The following KLF8 variants were observed in gnomAD, a reference collection of about 807,000 sequenced individuals.
The protein encoded by KLF8 is Krueppel-like factor 8.
Under a neutral mutation model 18.2 loss-of-function variants are expected in KLF8, and 10 were observed. The ratio of observed to expected loss-of-function variants is 0.55; its 90% confidence interval spans 0.34 to 0.93. KLF8 has a LOEUF of 0.93. Ranked by LOEUF, KLF8 falls within the 40% of genes least tolerant of loss-of-function variation. The pLI, the probability that KLF8 is intolerant of heterozygous loss-of-function variation, is 0.02. For missense variants in KLF8, 264 were observed against 277.9 expected, an observed-to-expected ratio of 0.95 and a Z score of 0.36; for synonymous variants, 109 against 97.3, an observed-to-expected ratio of 1.12 and a Z score of -0.71.
the KLF8 span, among the ~76,000 whole-genome samples, chrX:56,189,186 C>G: frequency 4.5e-5 from 5 of 111,523 alleles, no homozygotes; most frequent in African/African-American, 1.6e-4. Context: ...AAAAAGCAAA[C>G]AACCCCATCA....
chrX:56,013,608 T>G, the KLF8 span, among the ~76,000 whole-genome samples: 1 of 111,476 alleles, frequency 9.0e-6, no homozygotes, highest in African/African-American at 3.3e-5. Flanking sequence ...GTGGAGATAA[T>G]TGAATCATGG....
the KLF8 span, among the ~76,000 whole-genome samples, chrX:56,201,447 G>T: frequency 1.8e-5 from 2 of 111,398 alleles, no homozygotes; most frequent in Non-Finnish European, 3.8e-5. Flanking sequence ...GTTGTTAGGG[G>T]TTGGGGCGGG....
the KLF8 span, among the ~76,000 whole-genome samples, chrX:56,045,906 G>A: frequency 9.0e-6 from 1 of 111,570 alleles, no homozygotes; most frequent in South Asian, 3.8e-4. Flanking sequence ...GTGAAAGCAG[G>A]CATCGTTGTC....
the KLF8 span, among the ~76,000 whole-genome samples, chrX:56,091,741 C>A: frequency 8.9e-6 from 1 of 111,904 alleles, no homozygotes; most frequent in Middle Eastern, 4.6e-3. Context: ...ATGATCCACC[C>A]AGTTTGGCCT....
chrX:56,102,707 T>G, the KLF8 span, among the ~76,000 whole-genome samples: 3 of 111,701 alleles, frequency 2.7e-5, no homozygotes, highest in Non-Finnish European at 5.7e-5. Flanking sequence ...ATATTTCATT[T>G]ATTTTGGCTA....
intron 2 of KLF8, among the ~76,000 whole-genome samples, chrX:56,250,739 GGAGA>G (rs756356380): frequency 1.9e-5 from 2 of 108,082 alleles, no homozygotes; most frequent in Non-Finnish European, 3.9e-5. Context: ...ATATGTACAT[GGAGA>G]GAGAGAGAGA....
the KLF8 span, among the ~76,000 whole-genome samples, chrX:56,099,303 A>T: frequency 9.0e-6 from 1 of 111,544 alleles, no homozygotes; most frequent in Admixed American, 9.6e-5. Flanking sequence ...CCCATATAAG[A>T]TGGTAAACTT....
chrX:55,981,459 C>A, the KLF8 span, among the ~76,000 whole-genome samples: 2 of 111,885 alleles, frequency 1.8e-5, no homozygotes, highest in Non-Finnish European at 3.8e-5. Flanking sequence ...TTGAAAATAT[C>A]AAACAACAAA....
chrX:56,041,089 TG>T, the KLF8 span, among the ~76,000 whole-genome samples: 2 of 108,005 alleles, frequency 1.9e-5, no homozygotes, highest in African/African-American at 6.7e-5. Flanking sequence ...TTTGTATTTC[TG>T]TGAGGTCAGT....
the KLF8 span, among the ~76,000 whole-genome samples, chrX:56,157,687 T>C: frequency 1.2e-4 from 14 of 112,033 alleles, no homozygotes; most frequent in African/African-American, 4.2e-4. Flanking sequence ...ATAAATGTCT[T>C]CTTTTGAGAA....
chrX:56,261,255 A>G (rs1043480233), intron 2 of KLF8, among the ~76,000 whole-genome samples: 7 of 111,802 alleles, frequency 6.3e-5, no homozygotes, highest in African/African-American at 2.3e-4. Flanking sequence ...GCACTGTGGA[A>G]ATTAAAGCTT....
the KLF8 span, among the ~76,000 whole-genome samples, chrX:56,064,138 C>A: frequency 2.0e-5 from 2 of 101,184 alleles, no homozygotes; most frequent in African/African-American, 8.0e-5. Flanking sequence ...TATGTATATA[C>A]ATATATATGT....
chrX:56,019,920 C>T, the KLF8 span, among the ~76,000 whole-genome samples: 1 of 111,699 alleles, frequency 9.0e-6, no homozygotes, highest in East Asian at 2.8e-4. Flanking sequence ...CCATTTTCCT[C>T]TACCTAAACT....
intron 5 of KLF8, among the ~76,000 whole-genome samples, chrX:56,277,805 A>C (rs1166395661): frequency 2.7e-5 from 3 of 112,445 alleles, no homozygotes; most frequent in Non-Finnish European, 5.6e-5. Context: ...ACTCTAGTCA[A>C]AACTTAGAAG....
the KLF8 span, among the ~76,000 whole-genome samples, chrX:56,169,394 G>T: frequency 1.8e-5 from 2 of 111,345 alleles, no homozygotes; most frequent in Non-Finnish European, 3.8e-5. Flanking sequence ...GTTTGCTCTT[G>T]GGGTCCTTGA....
chrX:56,215,053 G>A, the KLF8 span, among the ~76,000 whole-genome samples: 3 of 112,175 alleles, frequency 2.7e-5, no homozygotes, highest in East Asian at 2.8e-4. Flanking sequence ...TAGACTATGA[G>A]TCTTTTGCAG....
At chrX:56,058,487 C>T in the KLF8 span, among the ~76,000 whole-genome samples, 3 of 102,551 alleles carry the variant, frequency 2.9e-5, no homozygotes, top group Non-Finnish European at 4.0e-5. Flanking sequence ...TCTCTCTCCC[C>T]TAGTGCCACC....
chrX:56,104,822 G>C, the KLF8 span, among the ~76,000 whole-genome samples: 1 of 111,348 alleles, frequency 9.0e-6, no homozygotes, highest in Non-Finnish European at 1.9e-5. Flanking sequence ...GCCAATTTTA[G>C]ATCTTTCCTG....
chrX:56,191,793 A>G, the KLF8 span, among the ~76,000 whole-genome samples: 9 of 111,500 alleles, frequency 8.1e-5, no homozygotes, highest in Admixed American at 5.7e-4. Context: ...TATGTTAAAA[A>G]TTATTTAAAA....
Sources: gnomAD v4.1 joint callset for allele counts (sites outside exome capture counted in the v4.1 genomes callset) on GRCh38, gnomAD v4.1.1 for gene constraint, MANE v1.5 for transcripts, NCBI Gene and HGNC (gene_info 2026-07-23, HGNC 2026-07-21) for gene names.